The following SSH1 variants were observed in gnomAD, a reference collection of about 807,000 sequenced individuals.
SSH1 encodes the protein protein phosphatase Slingshot homolog 1.
In SSH1, 43 loss-of-function variants were observed where a neutral mutation model predicts 79.7. That is an observed-to-expected ratio of 0.54 (90% CI 0.42 to 0.70). SSH1 has a LOEUF of 0.70. SSH1 is among the 30% of genes least tolerant of loss of function. SSH1 has a pLI of 0.00. For missense variants in SSH1, 1,206 were observed against 1,358.8 expected, an observed-to-expected ratio of 0.89 and a Z score of 1.77; for synonymous variants, 599 against 538.3, an observed-to-expected ratio of 1.11 and a Z score of -1.56.
At chr12:108,827,599 C>A (rs1019324429) in intron 2 of SSH1, 2 of 1,235,374 alleles carry the variant, frequency 1.6e-6, no homozygotes, top group South Asian at 7.3e-5. Context: ...TTCAGCAAAA[C>A]AGCTGAGGTT....
intron 2 of SSH1, among the ~76,000 whole-genome samples, chr12:108,824,142 T>C (rs2038226789): frequency 6.6e-6 from 1 of 152,184 alleles, no homozygotes; most frequent in South Asian, 2.1e-4. Flanking sequence ...TCACTAGTTG[T>C]TTGCATTTTA....
At chr12:108,827,976 A>C (rs1321192554) in intron 2 of SSH1, among the ~76,000 whole-genome samples, 1 of 152,240 alleles carries the variant, frequency 6.6e-6, no homozygotes, top group Non-Finnish European at 1.5e-5. Flanking sequence ...AAGGCAGGTC[A>C]GGCTGCAAAG....
chr12:108,848,194 TC>T (rs1406830282), intron 2 of SSH1, among the ~76,000 whole-genome samples: 2 of 151,972 alleles, frequency 1.3e-5, no homozygotes, highest in Non-Finnish European at 2.9e-5. Context: ...TCTGAGGTGT[TC>T]CTCTGTGACG....
At chr12:108,822,974 T>TA (rs1440058845) in intron 3 of SSH1, among the ~76,000 whole-genome samples, 2 of 152,248 alleles carry the variant, frequency 1.3e-5, no homozygotes, top group East Asian at 3.8e-4. Context: ...GGCTGTAACT[T>TA]ACAGCCTGCA....
chr12:108,789,128 G>A lies in SSH1; in HGVS notation c.2010C>T (p.Asp670=). The A allele has an allele frequency of 6.2e-7, 1 of 1,613,914 alleles. No homozygotes were observed. The highest frequency in any genetic ancestry group is 8.5e-7 in the Non-Finnish European group (1 of 1,179,888). Residue 670 remains aspartate (D), a synonymous_variant, in exon 15 of 15, where the codon GAC becomes GAT. Transcript: ENST00000326495. The part of the protein sequence containing the change: ...APEASRERCE[D]PNAPAICTQP... ...GGGTGCAGATGGCGGGAGCATTGGG[G>A]TCCTCACATCGCTCCCTGGAGGCCT... is the stretch of plus-strand genomic sequence containing the variant.
Position 108,818,421 on chromosome 12 carries a change from A to G in SSH1, c.215-108T>C. On this transcript the variant is annotated intron_variant, in intron 3 of 14. Transcript: ENST00000326495. ...GCTTGGAAAAAGATTGAGAAGTTAAAATTTGTCTACCTACACCACAGGAGA... is the reference window on the plus strand; with the variant it reads ...GCTTGGAAAAAGATTGAGAAGTTAAGATTTGTCTACCTACACCACAGGAGA... 3 of 993,358 alleles carry G rather than the reference A, an allele frequency of 3.0e-6. No individual in the cohort carries two copies. The South Asian group carries it at 4.1e-5, about 14-fold the overall frequency. 61.5% of individuals were successfully genotyped at this position (993,358 alleles called of 1,614,324 possible). A position where few individuals can be genotyped will look rare whatever the true frequency, so the allele number is the denominator to read the frequency against.
intron 2 of SSH1, among the ~76,000 whole-genome samples, chr12:108,831,419 T>C (rs1389954321): frequency 6.6e-6 from 1 of 152,250 alleles, no homozygotes; most frequent in Non-Finnish European, 1.5e-5. Flanking sequence ...GAGTGTCTAT[T>C]GTGTCCGGTC....
chr12:108,808,033 G>A (rs1254807986), intron 7 of SSH1, among the ~76,000 whole-genome samples: 1 of 152,206 alleles, frequency 6.6e-6, no homozygotes, highest in Non-Finnish European at 1.5e-5. Flanking sequence ...CGCCTCCTGG[G>A]TTCAAGCAAT....
chr12:108,791,398 G>A (rs568467207), intron 14 of SSH1, among the ~76,000 whole-genome samples: 15 of 152,280 alleles, frequency 9.9e-5, no homozygotes, highest in African/African-American at 2.2e-4. Flanking sequence ...GTGAGCTACC[G>A]CGTCTGGCCC....
chr12:108,839,894 C>T (rs754374435), intron 2 of SSH1, among the ~76,000 whole-genome samples: 60 of 152,206 alleles, frequency 3.9e-4, no homozygotes, highest in Non-Finnish European at 1.9e-4. Context: ...TGGGTATAGG[C>T]CAGGGCCAGA....
chr12:108,792,140 C>T (rs1397734994), intron 14 of SSH1, 146 bp downstream of exon 14: 8 of 1,504,490 alleles, frequency 5.3e-6, no homozygotes, highest in East Asian at 2.5e-5. Context: ...GAGATGGGAG[C>T]TGGGGGCCCA....
Position 108,792,158 on chromosome 12 carries a change from C to A in SSH1, c.1893+128G>T, listed in dbSNP as rs1053690681. On this transcript the variant is annotated intron_variant, in intron 14 of 14. Transcript: ENST00000326495. ...ATGGGAGCTGGGGGCCCAGAGGAGA[C>A]AATAGAAAAAAATCAGCTGGGTGTG... The A allele has an allele frequency of 5.2e-6, 8 of 1,536,018 alleles. No individual in the cohort carries two copies. The Admixed American group carries it at 1.2e-4, about 23-fold the overall frequency.
chr12:108,812,161 C>T (rs2037643128), intron 5 of SSH1, among the ~76,000 whole-genome samples: 3 of 152,216 alleles, frequency 2.0e-5, no homozygotes, highest in South Asian at 4.1e-4. Flanking sequence ...CAAGCCCTTC[C>T]GGCCAATGAC....
rs764414249 is a variant in SSH1, at chr12:108,823,272, G to A, written c.200C>T (p.Pro67Leu). 1.0e-5 allele frequency: 16 copies of A among 1,586,288 alleles called. No homozygotes were observed. The South Asian group carries it at 1.7e-4, about 17-fold the overall frequency. The change falls in exon 3 of 15, where the codon CCC (proline) becomes CTC (leucine). Residue 67 changes from proline to leucine, a missense_variant. By Grantham distance (98) the Pro-to-Leu change is moderately conservative. Coordinates refer to ENST00000326495, the MANE Select transcript of SSH1 (RefSeq NM_018984.4). ...AGAGCCCTCACCTGCATGCTTGTGG[G>A]GGTGCTGAAGACTCCGCTGGCCTTG... ...SPQGQRSLQH[P>L]HKHAGDLPQH... is the part of the protein sequence containing the mutation.
chr12:108,856,296 C>T (rs1426294754), intron 1 of SSH1, among the ~76,000 whole-genome samples: 4 of 152,218 alleles, frequency 2.6e-5, no homozygotes, highest in Admixed American at 1.3e-4. Flanking sequence ...TGCTCAGAGG[C>T]CCAAGGCCCC....
At position 108,787,328 on chromosome 12, in the gene SSH1, C is replaced by T. The variant is rs1305761609; in HGVS notation, c.*660G>A. ...AGGACAGGGCGCCTGCACCACCATT[C>T]GGGCACAGAGTCAGCTCAACAACAG... On this transcript the variant is annotated 3_prime_UTR_variant, in exon 15 of 15. Transcript: ENST00000326495. 1 of 153,036 alleles carries T rather than the reference C, an allele frequency of 6.5e-6. No individual in the cohort carries two copies. The highest frequency in any genetic ancestry group is 1.5e-5 in the Non-Finnish European group (1 of 68,692). The allele number at this position is 153,036 out of a possible 1,614,324, so 9.5% of individuals were successfully genotyped here. A position where few individuals can be genotyped will look rare whatever the true frequency, so the allele number is the denominator to read the frequency against.
At chr12:108,836,014 T>TATATTAATATAATTGATTATATTA (rs2038613333) in intron 2 of SSH1, among the ~76,000 whole-genome samples, 2 of 66,038 alleles carry the variant, frequency 3.0e-5, no homozygotes, top group Admixed American at 1.5e-4. Flanking sequence ...CGATTATAAC[T>TATATTAATATAATTGATTATATTA]ATATTAATAT....
chr12:108,810,105 T>C (rs2037503172), intron 6 of SSH1, among the ~76,000 whole-genome samples: 1 of 152,118 alleles, frequency 6.6e-6, no homozygotes, highest in Non-Finnish European at 1.5e-5. Context: ...GCCCGGCCGT[T>C]CCTTTTTGTA....
In SSH1 at chr12:108,778,579, T is replaced by C. The variant is rs1171949923; in HGVS notation, c.*9409A>G. 2 of 152,214 alleles carry C rather than the reference T, an allele frequency of 1.3e-5. No individual in the cohort carries two copies. Among genetic ancestry groups the C allele is most frequent in the East Asian group, 1.9e-4 (1 of 5,196 alleles). The allele number at this position is 152,214 out of a possible 1,614,324, so 9.4% of individuals were successfully genotyped here. On this transcript the variant is annotated 3_prime_UTR_variant, in exon 15 of 15. Transcript: ENST00000326495. ...TGTGAAACCCTTGCAACTAGGAATA[T>C]ATCCTCCAATTCCAACAATAACAAC...
Sources: allele counts gnomAD v4.1 joint callset (sites outside exome capture counted in the v4.1 genomes callset), GRCh38; gene constraint gnomAD v4.1.1; transcripts MANE v1.5; gene names NCBI Gene and HGNC (gene_info 2026-07-23, HGNC 2026-07-21).